Variants in PPP3CA observed in about 807,000 individuals in gnomAD.
PPP3CA encodes the protein CAM-PRP catalytic subunit.
In PPP3CA, 14 loss-of-function variants were observed where a neutral mutation model predicts 66.5. The observed-to-expected ratio is 0.21, with a 90% CI of 0.14 to 0.33. The LOEUF (loss-of-function observed/expected upper bound fraction) is 0.33. Among genes scored for constraint, PPP3CA ranks in the 10% least tolerant of loss-of-function variants. The pLI is 1.00. For missense variants in PPP3CA, 317 were observed against 639.5 expected, an observed-to-expected ratio of 0.50 and a Z score of 5.44; for synonymous variants, 232 against 226.2, an observed-to-expected ratio of 1.03 and a Z score of -0.23.
At chr4:101,262,965 G>C (rs1420856286) in intron 1 of PPP3CA, among the ~76,000 whole-genome samples, 1 of 152,110 alleles carries the variant, frequency 6.6e-6, no homozygotes, top group South Asian at 2.1e-4. Flanking sequence ...CTCAACTGGA[G>C]AGAAACAACA....
intron 1 of PPP3CA, among the ~76,000 whole-genome samples, chr4:101,255,455 G>T (rs1726809992): frequency 6.6e-6 from 1 of 151,782 alleles, no homozygotes; most frequent in Non-Finnish European, 1.5e-5. Context: ...AACATAAATT[G>T]TTCACTAGCA....
chr4:101,110,532 T>C (rs1329768844), intron 2 of PPP3CA, among the ~76,000 whole-genome samples: 1 of 142,296 alleles, frequency 7.0e-6, no homozygotes, highest in African/African-American at 2.9e-5. Flanking sequence ...ATAACAAGGA[T>C]CTTTACTACT....
intron 1 of PPP3CA, among the ~76,000 whole-genome samples, chr4:101,256,936 G>T (rs185123287): frequency 6.6e-6 from 1 of 152,008 alleles, no homozygotes; most frequent in Non-Finnish European, 1.5e-5. Flanking sequence ...TTTTATCATT[G>T]CTATGTGTTT....
chr4:101,169,010 A>G (rs577352825), intron 2 of PPP3CA, among the ~76,000 whole-genome samples: 20 of 152,308 alleles, frequency 1.3e-4, no homozygotes, highest in Non-Finnish European at 2.1e-4. Flanking sequence ...GTACTGAATG[A>G]AACAATAATA....
rs558436555 is a variant in PPP3CA, at chr4:101,128,852, GT to G, written c.260-19775del. ...GGCAGGCACCAAGCTAGCTGCAGGA[GT>G]TTTTTTTCATACCCCAGTGGTGGCT... On this transcript the variant is annotated intron_variant, in intron 2 of 13. Coordinates refer to ENST00000394854, the MANE Select transcript of PPP3CA (RefSeq NM_000944.5). 3.2e-4 allele frequency among the ~76,000 whole-genome samples: 49 copies of G among 152,100 alleles called. 1 individual carries two copies. In the East Asian group the frequency reaches 9.1e-3, roughly 28 times the overall value.
At chr4:101,274,306 C>A (rs1179731571) in intron 1 of PPP3CA, among the ~76,000 whole-genome samples, 1 of 152,004 alleles carries the variant, frequency 6.6e-6, no homozygotes, top group Non-Finnish European at 1.5e-5. Context: ...AGCAAGACTC[C>A]GTCTCAAAAA....
intron 8 of PPP3CA, among the ~76,000 whole-genome samples, chr4:101,078,803 C>A (rs540879172): frequency 6.6e-6 from 1 of 152,268 alleles, no homozygotes; most frequent in Admixed American, 6.5e-5. Flanking sequence ...TATTCAAATA[C>A]AATAATCTTC....
rs78927351 is a variant in PPP3CA at position 101,061,148 on chromosome 4, C to G, written c.1095G>C (p.Leu365=). 0.012 allele frequency: 19,866 copies of G among 1,611,588 alleles called. 169 individuals are homozygous for G. The highest frequency in any genetic ancestry group is 0.015 in the Non-Finnish European group (18,115 of 1,178,152). Residue 365 remains leucine (L), a synonymous_variant, in exon 10 of 14, where the codon CTG becomes CTC. Transcript: ENST00000394854. ...PFVGEKVTEM[L]VNVLNICSDD... ...CTGAGCAGATGTTGAGGACATTTAC[C>G]AGCATCTCAGTCACTAAAGAGAGAA...
At chr4:101,279,521 C>T (rs1727615102) in intron 1 of PPP3CA, among the ~76,000 whole-genome samples, 1 of 152,146 alleles carries the variant, frequency 6.6e-6, no homozygotes. Context: ...AAAAAGCATT[C>T]CCATGACTCA....
intron 2 of PPP3CA, among the ~76,000 whole-genome samples, chr4:101,194,007 T>C (rs1327070817): frequency 6.6e-6 from 1 of 152,154 alleles, no homozygotes; most frequent in African/African-American, 2.4e-5. Context: ...ATCACTTCTT[T>C]TGAGAGTTTA....
intron 1 of PPP3CA, among the ~76,000 whole-genome samples, chr4:101,319,143 G>A (rs150127355): frequency 1.1e-4 from 17 of 147,982 alleles, no homozygotes; most frequent in African/African-American, 3.5e-4. Flanking sequence ...GCTCTTAAAC[G>A]TGAAGAATTC....
At chr4:101,129,679 A>T (rs1722365229) in intron 2 of PPP3CA, among the ~76,000 whole-genome samples, 1 of 152,372 alleles carries the variant, frequency 6.6e-6, no homozygotes, top group South Asian at 2.1e-4. Flanking sequence ...GAAAACTAAC[A>T]AACAGAAAGG....
chr4:101,067,264 A>C (rs1728719129), intron 8 of PPP3CA, among the ~76,000 whole-genome samples: 1 of 152,144 alleles, frequency 6.6e-6, no homozygotes, highest in African/African-American at 2.4e-5. Context: ...ACTCATTTTT[A>C]TAGTACCTGT....
chr4:101,095,860 C>T (rs1016459999), intron 5 of PPP3CA, among the ~76,000 whole-genome samples: 1 of 152,102 alleles, frequency 6.6e-6, no homozygotes. Flanking sequence ...ACATGTTGGT[C>T]AAGCCGGTCT....
At position 101,053,821 on chromosome 4, in the gene PPP3CA, G is replaced by A. The variant is rs186235913; in HGVS notation, c.1156+7266C>T. Among the ~76,000 whole-genome samples the A allele has an allele frequency of 5.1e-4, 77 of 152,030 alleles. No individual in the cohort carries two copies. In the South Asian group the frequency reaches 6.6e-3, roughly 13 times the overall value. ...TGTTGATTCTACGTCATAAGTCCTC[G>A]GAAAGGTCTTTTGAACGGTTCCTTT... On this transcript the variant is annotated intron_variant, in intron 10 of 13. Coordinates refer to ENST00000394854, the MANE Select transcript of PPP3CA (RefSeq NM_000944.5).
chr4:101,278,132 A>AAAAAAAT (rs1727564905), intron 1 of PPP3CA, among the ~76,000 whole-genome samples: 2 of 143,370 alleles, frequency 1.4e-5, no homozygotes, highest in African/African-American at 5.9e-5. Context: ...TAAAAAAAAA[A>AAAAAAAT]AAAAAAATAA....
intron 2 of PPP3CA, among the ~76,000 whole-genome samples, chr4:101,141,910 AAC>A (rs1422548720): frequency 6.6e-6 from 1 of 152,196 alleles, no homozygotes; most frequent in Non-Finnish European, 1.5e-5. Context: ...TTACACTTAT[AAC>A]ACAAAGTGGT....
intron 2 of PPP3CA, among the ~76,000 whole-genome samples, chr4:101,182,747 G>A (rs931619863): frequency 2.6e-5 from 4 of 152,100 alleles, no homozygotes; most frequent in African/African-American, 9.7e-5. Context: ...AGTGAATTCC[G>A]ACGTGTTGTG....
rs570901882 is a variant in PPP3CA at position 101,324,146 on chromosome 4, A to G, written c.58+22593T>C. ...AGAAAGGAAGGGAAGGAAGGGAAGG[A>G]AGGGAGGGAGGAAGGAAGGAAGGAA... On this transcript the variant is annotated intron_variant, in intron 1 of 13. Transcript: ENST00000394854. Among the ~76,000 whole-genome samples, 221 of 113,654 alleles carry G rather than the reference A, an allele frequency of 1.9e-3. 1 individual carries two copies. The highest frequency in any genetic ancestry group is 0.017 in the East Asian group (63 of 3,776). 74.6% of individuals were successfully genotyped at this position (113,654 alleles called of 152,430 possible).
Sources: allele counts gnomAD v4.1 joint callset (sites outside exome capture counted in the v4.1 genomes callset), GRCh38; gene constraint gnomAD v4.1.1; transcripts MANE v1.5; gene names NCBI Gene and HGNC (gene_info 2026-07-23, HGNC 2026-07-21).